KCNH5: variants seen among roughly 807,000 people sequenced by gnomAD.
The protein encoded by KCNH5 is potassium voltage-gated channel subfamily H member 5, also known as voltage-gated delayed rectifier potassium channel KCNH5.
A neutral mutation model predicts 96.1 loss-of-function variants in KCNH5; 46 were observed. The ratio of observed to expected loss-of-function variants is 0.48; its 90% CI spans 0.38 to 0.61. The LOEUF (loss-of-function observed/expected upper bound fraction) is 0.61. KCNH5 is among the 20% of genes least tolerant of loss of function. The pLI, the probability that KCNH5 is intolerant of heterozygous loss-of-function variation, is 0.00. For missense variants in KCNH5, 907 were observed against 1,225.8 expected, an observed-to-expected ratio of 0.74 and a Z score of 3.88; for synonymous variants, 439 against 449.8, an observed-to-expected ratio of 0.98 and a Z score of 0.30.
intron 2 of KCNH5, among the ~76,000 whole-genome samples, chr14:63,006,811 C>T (rs1891137198): frequency 6.6e-6 from 1 of 152,194 alleles, no homozygotes; most frequent in Non-Finnish European, 1.5e-5. Flanking sequence ...TGCACCTTCA[C>T]AACCAGTCAC....
intron 6 of KCNH5, among the ~76,000 whole-genome samples, chr14:62,976,394 C>G (rs928679961): frequency 3.0e-5 from 4 of 132,120 alleles, no homozygotes; most frequent in Non-Finnish European, 6.4e-5. Flanking sequence ...CAGAGCGAGA[C>G]TCCATGTCAA....
In KCNH5 at chr14:62,703,050, T is replaced by G. The variant is rs1595585376; in HGVS notation, c.*4458A>C. On this transcript the variant is annotated 3_prime_UTR_variant, in exon 11 of 11. Coordinates refer to ENST00000322893, the MANE Select transcript of KCNH5 (RefSeq NM_139318.5). ...CCACTTACCAATTTTTTCACAAAAT[T>G]GAGAATTTCTGCCAAGCAGTATGAT... 6.6e-6 allele frequency: 1 copy of G among 152,036 alleles called. No homozygotes were observed. Among genetic ancestry groups the G allele is most frequent in the South Asian group, 2.1e-4 (1 of 4,830 alleles). 9.4% of individuals were successfully genotyped at this position (152,036 alleles called of 1,614,324 possible). A position where few individuals can be genotyped will look rare whatever the true frequency, so the allele number is the denominator to read the frequency against.
chr14:62,906,255 G>A (rs181199107), intron 7 of KCNH5, among the ~76,000 whole-genome samples: 9 of 152,234 alleles, frequency 5.9e-5, no homozygotes, highest in Admixed American at 2.6e-4. Flanking sequence ...GGAATATCAC[G>A]TAAAAGAGTC....
At chr14:62,889,361 G>A (rs1456897938) in intron 7 of KCNH5, among the ~76,000 whole-genome samples, 4 of 152,154 alleles carry the variant, frequency 2.6e-5, no homozygotes, top group African/African-American at 9.7e-5. Context: ...TCCCAGCAGA[G>A]CATCACATGG....
chr14:62,993,690 C>G (rs576463504), intron 4 of KCNH5, among the ~76,000 whole-genome samples: 1 of 152,140 alleles, frequency 6.6e-6, no homozygotes, highest in South Asian at 2.1e-4. Flanking sequence ...CCAACTTGTA[C>G]TGTATAAACT....
chr14:62,851,520 AAGGTAATCAC>A (rs1278251998), intron 7 of KCNH5, among the ~76,000 whole-genome samples: 1 of 150,654 alleles, frequency 6.6e-6, no homozygotes, highest in Non-Finnish European at 1.5e-5. Context: ...AAAAAACCTA[AAGGTAATCAC>A]AGACTTAACA....
chr14:62,992,596 A>G (rs1229496138), intron 4 of KCNH5, among the ~76,000 whole-genome samples: 1 of 151,942 alleles, frequency 6.6e-6, no homozygotes, highest in African/African-American at 2.4e-5. Flanking sequence ...ATTTTTTCAT[A>G]TACTGTTGGC....
chr14:62,944,582 GT>G (rs1889850610), intron 7 of KCNH5, among the ~76,000 whole-genome samples: 1 of 152,002 alleles, frequency 6.6e-6, no homozygotes, highest in Admixed American at 6.6e-5. Flanking sequence ...GTTTTCATTT[GT>G]TTGTTTTCCT....
intron 8 of KCNH5, among the ~76,000 whole-genome samples, chr14:62,826,005 A>G (rs1021704068): frequency 6.6e-6 from 1 of 152,080 alleles, no homozygotes; most frequent in Admixed American, 6.6e-5. Flanking sequence ...TCAGAGTGCA[A>G]ATTTAGGTAT....
In KCNH5 at chr14:62,848,441, C is replaced by T. The variant is rs1435335130; in HGVS notation, c.1569+1212G>A. ...GGGCCATTTAACTGGAAAATTTATA[C>T]TGTATCTTGTAAAATATTGAAAAGG... On this transcript the variant is annotated intron_variant, in intron 8 of 10. Coordinates refer to ENST00000322893, the MANE Select transcript of KCNH5 (RefSeq NM_139318.5). 2.0e-5 allele frequency among the ~76,000 whole-genome samples: 3 copies of T among 152,148 alleles called. No homozygotes were observed. In the East Asian group the frequency reaches 5.8e-4, roughly 29 times the overall value.
At chr14:62,998,955 A>T (rs1327780349) in intron 4 of KCNH5, among the ~76,000 whole-genome samples, 1 of 152,246 alleles carries the variant, frequency 6.6e-6, no homozygotes, top group Non-Finnish European at 1.5e-5. Flanking sequence ...TTTTAAAACA[A>T]GCAAATGAGC....
At chr14:63,029,693 A>G (rs1345317651) in intron 1 of KCNH5, among the ~76,000 whole-genome samples, 1 of 152,076 alleles carries the variant, frequency 6.6e-6, no homozygotes, top group Admixed American at 6.6e-5. Context: ...AGATTTTTTA[A>G]TTAAGGCTAA....
At chr14:62,889,202 A>C (rs1371556741) in intron 7 of KCNH5, among the ~76,000 whole-genome samples, 1 of 152,226 alleles carries the variant, frequency 6.6e-6, no homozygotes, top group Non-Finnish European at 1.5e-5. Flanking sequence ...TGAGAGTTAA[A>C]ATAAAAAGAT....
At chr14:62,798,929 T>C (rs77806548) in intron 9 of KCNH5, among the ~76,000 whole-genome samples, 7,722 of 152,246 alleles carry the variant, frequency 0.051, 452 homozygotes, top group African/African-American at 0.14. Context: ...AATGTATCAG[T>C]GTAAGAGATA....
In KCNH5 at chr14:62,819,404, G is replaced by T. The variant is rs550290578; in HGVS notation, c.1570-16823C>A. Among the ~76,000 whole-genome samples the T allele has an allele frequency of 8.1e-4, 123 of 152,298 alleles. 1 individual carries two copies. Among genetic ancestry groups the T allele is most frequent in the Admixed American group, 3.6e-3 (55 of 15,298 alleles). On this transcript the variant is annotated intron_variant, in intron 8 of 10. Coordinates refer to ENST00000322893, the MANE Select transcript of KCNH5 (RefSeq NM_139318.5). ...TGATTCCACTTATATGAAATGAGAA[G>T]AATAAACAAATCCATAGACACAGAA...
chr14:62,915,360 T>A (rs1256720566), intron 7 of KCNH5, among the ~76,000 whole-genome samples: 1 of 152,250 alleles, frequency 6.6e-6, no homozygotes, highest in African/African-American at 2.4e-5. Context: ...ACTACTGTCA[T>A]TTTTGGAAGA....
At chr14:62,804,989 T>C (rs1886736490) in intron 8 of KCNH5, among the ~76,000 whole-genome samples, 1 of 152,194 alleles carries the variant, frequency 6.6e-6, no homozygotes, top group South Asian at 2.1e-4. Flanking sequence ...AAGAAAATAT[T>C]TCAGCACAAA....
intron 7 of KCNH5, among the ~76,000 whole-genome samples, chr14:62,919,155 G>A (rs1889333881): frequency 6.6e-6 from 1 of 151,958 alleles, no homozygotes; most frequent in Non-Finnish European, 1.5e-5. Flanking sequence ...ATATACATGT[G>A]CCTAGAGAAA....
intron 8 of KCNH5, among the ~76,000 whole-genome samples, chr14:62,817,881 CATAAAT>C (rs58893325): frequency 0.44 from 62,361 of 140,606 alleles, 14,960 homozygotes; most frequent in African/African-American, 0.62. Flanking sequence ...ATATAATAGC[CATAAAT>C]ATAAATATAA....
Sources: gnomAD v4.1 joint callset for allele counts (sites outside exome capture counted in the v4.1 genomes callset) on GRCh38, gnomAD v4.1.1 for gene constraint, MANE v1.5 for transcripts, NCBI Gene and HGNC (gene_info 2026-07-23, HGNC 2026-07-21) for gene names.